Variants in PCDHGA9 observed in about 807,000 individuals in gnomAD.
PCDHGA9 encodes the protein protocadherin gamma subfamily A, 9, also known as protocadherin gamma-A9.
A neutral mutation model predicts 62.5 loss-of-function variants in PCDHGA9; 37 were observed. The observed-to-expected ratio is 0.59, with a 90% CI of 0.46 to 0.78. The LOEUF is 0.78. Among genes scored for constraint, PCDHGA9 ranks in the 30% least tolerant of loss-of-function variants. PCDHGA9 has a pLI of 0.00. For synonymous variants in PCDHGA9, 459 were observed against 484.6 expected (o/e 0.95, Z 0.69); for missense variants, 1,138 against 1,166.2 (o/e 0.98, Z 0.35).
Position 141,408,693 on chromosome 5 carries a change from TAAACTC to T in PCDHGA9, c.2424+3320_2424+3325del, listed in dbSNP as rs1561714743. 1.9e-6 allele frequency: 3 copies of T among 1,613,768 alleles called. No homozygotes were observed. In the African/African-American group the frequency reaches 4.0e-5, roughly 22 times the overall value. On this transcript the variant is annotated intron_variant, in intron 1 of 3. Coordinates refer to ENST00000573521, the MANE Select transcript of PCDHGA9 (RefSeq NM_018921.3). The stretch of plus-strand genomic sequence containing the variant: ...CCTGCCACGGATCCTGATATAAACA[TAAACTC>T]AATTAAAGATTATAAGATAAACTCT...
At chr5:141,500,222 T>TGA (rs1355843194) in intron 2 of PCDHGA9, among the ~76,000 whole-genome samples, 1 of 146,758 alleles carries the variant, frequency 6.8e-6, no homozygotes, top group Non-Finnish European at 1.5e-5. Flanking sequence ...ATTTATTTAT[T>TGA]TATTGATACG....
chr5:141,432,859 C>A lies in PCDHGA9; in HGVS notation c.2424+27483C>A. The A allele has an allele frequency of 1.2e-6, 2 of 1,614,190 alleles. No homozygotes were observed. Among genetic ancestry groups the A allele is most frequent in the Non-Finnish European group, 1.7e-6 (2 of 1,180,020 alleles). The stretch of plus-strand genomic sequence containing the variant: ...ACCTGGTGGTAGCGGTGGCCGCGGT[C>A]TCCTGCGTCTTCCTGGCCTTCGTCA... On this transcript the variant is annotated intron_variant, in intron 1 of 3. Transcript: ENST00000573521. This position sits in a 1 kb window ranked among gnomAD's most constrained non-coding sequence, Gnocchi z 6.0.
At chr5:141,408,914 A>C in intron 1 of PCDHGA9, 1 of 1,613,446 alleles carries the variant, frequency 6.2e-7, no homozygotes, top group Non-Finnish European at 8.5e-7. Context: ...TACCAATGAT[A>C]ACCCCCCGGT....
intron 1 of PCDHGA9, among the ~76,000 whole-genome samples, chr5:141,465,824 T>A (rs1447359333): frequency 6.6e-6 from 1 of 152,076 alleles, no homozygotes; most frequent in Non-Finnish European, 1.5e-5. Context: ...ATCACATTTG[T>A]TTAAAATTTC....
Position 141,491,095 on chromosome 5 carries a change from T to C in PCDHGA9, c.2425-3712T>C, listed in dbSNP as rs1366401829. On this transcript the variant is annotated intron_variant, in intron 1 of 3. Coordinates refer to ENST00000573521, the MANE Select transcript of PCDHGA9 (RefSeq NM_018921.3). The surrounding 1 kb of genome is among the most constrained non-coding windows in gnomAD (Gnocchi z 6.9). ...GCCACAGTCCACAGCCCCAGGACTG[T>C]TCCTCGTGTCTACACACACTGGTGA... The C allele has an allele frequency of 3.7e-6, 6 of 1,614,154 alleles. No homozygotes were observed. The highest frequency in any genetic ancestry group is 4.2e-6 in the Non-Finnish European group (5 of 1,180,014).
intron 1 of PCDHGA9, among the ~76,000 whole-genome samples, chr5:141,469,859 A>C (rs2099213257): frequency 6.6e-6 from 1 of 152,080 alleles, no homozygotes; most frequent in Non-Finnish European, 1.5e-5. Context: ...GACCGGGTGC[A>C]ATGGCTCACG....
chr5:141,460,649 A>G (rs1171722531), intron 1 of PCDHGA9, among the ~76,000 whole-genome samples: 2 of 152,152 alleles, frequency 1.3e-5, no homozygotes, highest in Non-Finnish European at 2.9e-5. Flanking sequence ...GTGTTTACAC[A>G]TATGTAACTG....
chr5:141,415,492 A>G lies in PCDHGA9; in HGVS notation c.2424+10116A>G, dbSNP rs373866182. 4 of 1,614,154 alleles carry G rather than the reference A, an allele frequency of 2.5e-6. No individual in the cohort carries two copies. The African/African-American group carries it at 4.0e-5, about 16-fold the overall frequency. On this transcript the variant is annotated intron_variant, in intron 1 of 3. Transcript: ENST00000573521. Reference sequence around the variant, plus strand: ...CGCGGACTCGCGAAAGAGTCACCTGATCTTCCCCCAGCCCAATTATGCGGA... The same window carrying G: ...CGCGGACTCGCGAAAGAGTCACCTGGTCTTCCCCCAGCCCAATTATGCGGA...
In PCDHGA9 at chr5:141,431,643, A is replaced by G. The variant is rs528599572; in HGVS notation, c.2424+26267A>G. Reference sequence around the variant, plus strand: ...AAGGCGGCCCAAGTTTTCAAACTAGATTGTAATTCAGGGACAATATCAACA... The same window carrying G: ...AAGGCGGCCCAAGTTTTCAAACTAGGTTGTAATTCAGGGACAATATCAACA... On this transcript the variant is annotated intron_variant, in intron 1 of 3. Coordinates refer to ENST00000573521, the MANE Select transcript of PCDHGA9 (RefSeq NM_018921.3). The surrounding 1 kb of genome is among the most constrained non-coding windows in gnomAD (Gnocchi z 4.8). 5.0e-5 allele frequency: 81 copies of G among 1,614,240 alleles called. No individual in the cohort carries two copies. In the South Asian group the frequency reaches 7.4e-4, roughly 15 times the overall value.
intron 1 of PCDHGA9, among the ~76,000 whole-genome samples, chr5:141,469,414 A>C (rs1455286338): frequency 1.3e-5 from 2 of 152,118 alleles, no homozygotes; most frequent in Non-Finnish European, 2.9e-5. Flanking sequence ...GTTTCTACTA[A>C]AAATATAAAA....
chr5:141,452,654 T>C (rs2098746449), intron 1 of PCDHGA9, among the ~76,000 whole-genome samples: 1 of 151,162 alleles, frequency 6.6e-6, no homozygotes, highest in Non-Finnish European at 1.5e-5. Context: ...ATTTGCTCCA[T>C]CCACTGCACT....
chr5:141,510,910 A>C (rs780792326), intron 3 of PCDHGA9, 37 bp from the exon 4 acceptor site: 4 of 1,613,740 alleles, frequency 2.5e-6, no homozygotes, highest in Admixed American at 3.3e-5. Flanking sequence ...GAGGACCCTA[A>C]GTTTAGCTCC....
chr5:141,433,047 C>T (rs1561867159), intron 1 of PCDHGA9: 1 of 1,614,046 alleles, frequency 6.2e-7, no homozygotes, highest in African/African-American at 1.3e-5. Flanking sequence ...ACCACGGACT[C>T]GCGGAAGAGT....
intron 1 of PCDHGA9, among the ~76,000 whole-genome samples, chr5:141,454,796 ATTTTTTTTTTTTTT>A (rs61612330): frequency 5.2e-5 from 4 of 77,408 alleles, no homozygotes; most frequent in Non-Finnish European, 9.3e-5. Flanking sequence ...CATGGTTCTA[ATTTTTTTTTTTTTT>A]TTTTTTTTTT....
At chr5:141,418,654 G>C (rs2096278227) in intron 1 of PCDHGA9, 1 of 1,614,016 alleles carries the variant, frequency 6.2e-7, no homozygotes, top group African/African-American at 1.3e-5. Context: ...TGAGAGTGAA[G>C]GCCACTGACC....
chr5:141,439,172 G>A (rs1181712838), intron 1 of PCDHGA9, among the ~76,000 whole-genome samples: 1 of 147,496 alleles, frequency 6.8e-6, no homozygotes, highest in Admixed American at 6.8e-5. Context: ...CAGCCTGGGC[G>A]ACATAGTGAG....
Position 141,491,077 on chromosome 5 carries a change from T to TAGGA in PCDHGA9, c.2425-3730_2425-3729insAGGA, listed in dbSNP as rs752090443. 1.2e-6 allele frequency: 2 copies of TAGGA among 1,614,166 alleles called. No homozygotes were observed. Among genetic ancestry groups the TAGGA allele is most frequent in the Admixed American group, 3.3e-5 (2 of 60,014 alleles). On this transcript the variant is annotated intron_variant, in intron 1 of 3. Transcript: ENST00000573521. This position sits in a 1 kb window ranked among gnomAD's most constrained non-coding sequence, Gnocchi z 6.9. The stretch of plus-strand genomic sequence containing the variant: ...GCTCTCCTACTCACTGTTGCCACAG[T>TAGGA]CCACAGCCCCAGGACTGTTCCTCGT...
intron 1 of PCDHGA9, chr5:141,408,444 G>A (rs2095109468): frequency 6.2e-6 from 10 of 1,613,960 alleles, no homozygotes; most frequent in Non-Finnish European, 7.6e-6. Context: ...GACGCGGAGA[G>A]CGGGGACTTA....
chr5:141,408,437 G>A (rs368564960), intron 1 of PCDHGA9: 1 of 1,614,068 alleles, frequency 6.2e-7, no homozygotes, highest in Admixed American at 1.7e-5. Flanking sequence ...CAGCGTAGAC[G>A]CGGAGAGCGG....
Sources: gnomAD v4.1 joint callset for allele counts (sites outside exome capture counted in the v4.1 genomes callset) on GRCh38, gnomAD v4.1.1 for gene constraint, Gnocchi (gnomAD v3.1) non-coding constraint, MANE v1.5 for transcripts, NCBI Gene and HGNC (gene_info 2026-07-23, HGNC 2026-07-21) for gene names.